DGKG: variants seen among roughly 807,000 people sequenced by gnomAD.
DGKG encodes the protein diacylglycerol kinase gamma.
A neutral mutation model predicts 105.3 loss-of-function variants in DGKG; 78 were observed. The observed-to-expected ratio is 0.74, with a 90% CI of 0.62 to 0.89. DGKG has a LOEUF of 0.89. Among genes scored for constraint, DGKG ranks in the 40% least tolerant of loss-of-function variants. The pLI is 0.00. For missense variants in DGKG, 958 were observed against 1,020.1 expected (o/e 0.94, Z 0.83); for synonymous variants, 346 against 367.1 (o/e 0.94, Z 0.66).
At chr3:186,200,902 C>T (rs534887347) in intron 21 of DGKG, among the ~76,000 whole-genome samples, 10 of 152,052 alleles carry the variant, frequency 6.6e-5, no homozygotes, top group Admixed American at 2.0e-4. Context: ...CTGTGCCAGG[C>T]GGGCACAATG....
intron 20 of DGKG, among the ~76,000 whole-genome samples, chr3:186,220,804 G>A (rs1396477430): frequency 1.3e-5 from 2 of 152,048 alleles, no homozygotes; most frequent in Non-Finnish European, 1.5e-5. Flanking sequence ...GGTAATTCTG[G>A]GCCCCTAAGA....
intron 17 of DGKG, among the ~76,000 whole-genome samples, chr3:186,256,002 T>C (rs1165299912): frequency 6.6e-6 from 1 of 152,220 alleles, no homozygotes; most frequent in Non-Finnish European, 1.5e-5. Context: ...CTGTGTCCTC[T>C]GCGGATGAAC....
intron 23 of DGKG, 141 bp downstream of exon 23, chr3:186,164,757 A>G (rs1172480066): frequency 4.8e-6 from 5 of 1,036,198 alleles, no homozygotes; most frequent in Non-Finnish European, 6.9e-6. Flanking sequence ...ATGGTCTACA[A>G]AGACGTTCTT....
rs149361887 is a variant in DGKG, at chr3:186,333,466, A to G, written c.-248-12759T>C. Among the ~76,000 whole-genome samples, 230 of 152,334 alleles carry G rather than the reference A, an allele frequency of 1.5e-3. 1 individual carries two copies. Among genetic ancestry groups the G allele is most frequent in the Admixed American group, 0.013 (201 of 15,302 alleles). ...AACATTATAGGGAAGCTGGAGGCCC[A>G]TGACTGCCAGAAAACTGTCATCATG... is the stretch of plus-strand genomic sequence containing the variant. On this transcript the variant is annotated intron_variant, in intron 1 of 24. Coordinates refer to ENST00000265022, the MANE Select transcript of DGKG (RefSeq NM_001346.3).
At position 186,284,149 on chromosome 3, in the gene DGKG, C is replaced by T. The variant is rs1722952136; in HGVS notation, c.594+511G>A. Among the ~76,000 whole-genome samples the T allele has an allele frequency of 2.6e-5, 4 of 152,280 alleles. No individual in the cohort carries two copies. The South Asian group carries it at 8.3e-4, about 32-fold the overall frequency. On this transcript the variant is annotated intron_variant, in intron 7 of 24. Transcript: ENST00000265022. This position sits in a 1 kb window ranked among gnomAD's most constrained non-coding sequence, Gnocchi z 4.0. The stretch of plus-strand genomic sequence containing the variant: ...ACAGAACCAGACTCCTAGGCTAGTG[C>T]CCTGGAGTAGGAGAGGCAGCCAAGG...
At chr3:186,175,741 T>C (rs754750830) in intron 22 of DGKG, among the ~76,000 whole-genome samples, 1 of 152,114 alleles carries the variant, frequency 6.6e-6, no homozygotes, top group Admixed American at 6.5e-5. Flanking sequence ...AATCGACACA[T>C]GGGATCTAAT....
chr3:186,243,260 G>A (rs1245506248), intron 19 of DGKG, among the ~76,000 whole-genome samples: 1 of 151,348 alleles, frequency 6.6e-6, no homozygotes, highest in Non-Finnish European at 1.5e-5. Context: ...TCACTCGAAG[G>A]ACTCCCTCCA....
At chr3:186,192,952 C>T (rs952611725) in intron 21 of DGKG, among the ~76,000 whole-genome samples, 3 of 152,178 alleles carry the variant, frequency 2.0e-5, no homozygotes, top group Non-Finnish European at 2.9e-5. Flanking sequence ...TTTAACTGTA[C>T]CCTGTCCCCT....
At chr3:186,247,697 G>C (rs1578722065) in intron 19 of DGKG, among the ~76,000 whole-genome samples, 1 of 151,972 alleles carries the variant, frequency 6.6e-6, no homozygotes. Flanking sequence ...ATTTTATTGA[G>C]AGAAAGCCAA....
chr3:186,351,812 G>A (rs757693025), intron 1 of DGKG, among the ~76,000 whole-genome samples: 1 of 152,248 alleles, frequency 6.6e-6, no homozygotes, highest in Non-Finnish European at 1.5e-5. Flanking sequence ...TGCAGATCCA[G>A]TTTCGGTTCT....
chr3:186,194,101 A>T (rs566672390), intron 21 of DGKG, among the ~76,000 whole-genome samples: 1 of 152,312 alleles, frequency 6.6e-6, no homozygotes, highest in East Asian at 1.9e-4. Context: ...GGCCACGTTC[A>T]ACTGTGTCCC....
chr3:186,318,952 G>A (rs1220527572), intron 2 of DGKG, among the ~76,000 whole-genome samples: 1 of 152,212 alleles, frequency 6.6e-6, no homozygotes, highest in Non-Finnish European at 1.5e-5. Context: ...CTGCCTTAAA[G>A]CAGTTCTCTG....
In DGKG at chr3:186,313,171, T is replaced by A. The variant is rs151042733; in HGVS notation, c.68-6194A>T. 2.7e-3 allele frequency among the ~76,000 whole-genome samples: 412 copies of A among 152,320 alleles called. 1 individual carries two copies. The highest frequency in any genetic ancestry group is 9.4e-3 in the African/African-American group (389 of 41,578). ...TAAAAAATACTGATGCCCAGGCCCC[T>A]TGCCTACAAACTGTGATTAAATGAT... On this transcript the variant is annotated intron_variant, in intron 2 of 24. Transcript: ENST00000265022.
chr3:186,312,117 C>T (rs1245605916), intron 2 of DGKG, among the ~76,000 whole-genome samples: 9 of 68,420 alleles, frequency 1.3e-4, no homozygotes, highest in Non-Finnish European at 2.4e-4. Flanking sequence ...AGCGAGACTC[C>T]GTCTCAAAAA....
In DGKG at chr3:186,284,771, T is replaced by C. The variant is rs1231499170; in HGVS notation, c.545-62A>G. The C allele has an allele frequency of 7.2e-7, 1 of 1,387,076 alleles. No individual in the cohort carries two copies. Among genetic ancestry groups the C allele is most frequent in the Non-Finnish European group, 1.0e-6 (1 of 975,270 alleles). The allele number at this position is 1,387,076 out of a possible 1,614,324, so 85.9% of individuals were successfully genotyped here. On this transcript the variant is annotated intron_variant, in intron 6 of 24. Transcript: ENST00000265022. The surrounding 1 kb of genome is among the most constrained non-coding windows in gnomAD (Gnocchi z 4.0). ...CTAAGAAGCGCGGATGGCTGAAGTT[T>C]TGATGCTGCCAGGTTTTTAGATTAG...
At chr3:186,223,448 A>G (rs560658131) in intron 20 of DGKG, among the ~76,000 whole-genome samples, 6 of 152,192 alleles carry the variant, frequency 3.9e-5, no homozygotes, top group African/African-American at 1.4e-4. Context: ...GGTTAGAGGC[A>G]TCTTGTCTAG....
chr3:186,354,928 G>A (rs1726836442), intron 1 of DGKG, among the ~76,000 whole-genome samples: 2 of 152,060 alleles, frequency 1.3e-5, no homozygotes, highest in East Asian at 1.9e-4. Context: ...AGAACCAGAT[G>A]TTCTCTTGGC....
intron 1 of DGKG, among the ~76,000 whole-genome samples, chr3:186,338,315 A>T (rs1457693242): frequency 1.3e-5 from 2 of 152,160 alleles, no homozygotes; most frequent in Non-Finnish European, 2.9e-5. Flanking sequence ...AAATAAATGG[A>T]TACATATTTT....
At position 186,148,082 on chromosome 3, in the gene DGKG, C is replaced by T. The variant is rs1356319313; in HGVS notation, c.*2008G>A. The T allele has an allele frequency of 5.1e-6, 5 of 985,334 alleles. No homozygotes were observed. The highest frequency in any genetic ancestry group is 6.0e-6 in the Non-Finnish European group (5 of 829,970). The allele number at this position is 985,334 out of a possible 1,614,324, so 61.0% of individuals were successfully genotyped here. A position where few individuals can be genotyped will look rare whatever the true frequency, so the allele number is the denominator to read the frequency against. On this transcript the variant is annotated 3_prime_UTR_variant, in exon 25 of 25. Transcript: ENST00000265022. ...CTGTCCAATGCAAGATTAGAGGCAG[C>T]TCAGTGGAACGATATCAAGTGGGTC...
Sources: gnomAD v4.1 joint callset for allele counts (sites outside exome capture counted in the v4.1 genomes callset) on GRCh38, gnomAD v4.1.1 for gene constraint, Gnocchi (gnomAD v3.1) non-coding constraint, MANE v1.5 for transcripts, NCBI Gene and HGNC (gene_info 2026-07-23, HGNC 2026-07-21) for gene names.